The following CCDC3 variants were observed in gnomAD, a reference collection of about 807,000 sequenced individuals.
The protein encoded by CCDC3 is coiled-coil domain containing 3.
In CCDC3, 24 loss-of-function variants were observed where a neutral mutation model predicts 21.4. That is an observed-to-expected ratio of 1.12 (90% CI 0.81 to 1.58). The LOEUF is 1.58. CCDC3 is among the 40% of genes most tolerant of loss of function. CCDC3 has a pLI of 0.00. For synonymous variants in CCDC3, 186 were observed against 166.0 expected, an observed-to-expected ratio of 1.12 and a Z score of -0.93; for missense variants, 425 against 360.9, an observed-to-expected ratio of 1.18 and a Z score of -1.44.
intron 2 of CCDC3, among the ~76,000 whole-genome samples, chr10:12,913,434 A>C (rs547345684): frequency 6.6e-6 from 1 of 152,220 alleles, no homozygotes; most frequent in Non-Finnish European, 1.5e-5. Context: ...TTGATTTTGT[A>C]TCCTCAGACT....
At chr10:12,917,771 G>A (rs974530752) in intron 2 of CCDC3, among the ~76,000 whole-genome samples, 1 of 152,202 alleles carries the variant, frequency 6.6e-6, no homozygotes, top group Non-Finnish European at 1.5e-5. Flanking sequence ...CATTTCAGAT[G>A]ACTCTTTACT....
intron 2 of CCDC3, among the ~76,000 whole-genome samples, chr10:12,923,701 C>T (rs1443110658): frequency 1.3e-5 from 2 of 152,172 alleles, no homozygotes; most frequent in African/African-American, 4.8e-5. Context: ...GAATGAGTTC[C>T]GTGAAGGCAG....
At chr10:13,021,103 G>A (rs1205426869) in intron 5 of CCDC3, among the ~76,000 whole-genome samples, 1 of 152,156 alleles carries the variant, frequency 6.6e-6, no homozygotes, top group African/African-American at 2.4e-5. Flanking sequence ...AAAAGTGTAG[G>A]CTTTGAGGTA....
At position 13,046,250 on chromosome 10, in the gene CCDC3, A is replaced by G. The variant is rs180996020; in HGVS notation, c.-2+3424T>C. On this transcript the variant is annotated intron_variant, in intron 5 of 6. Coordinates refer to the CCDC3 transcript ENST00000378839. ...GTGAGACCTCATCTCTACAACAAATAAAAACATTAGCTGGGCATGATGACT... is the reference window on the plus strand; with the variant it reads ...GTGAGACCTCATCTCTACAACAAATGAAAACATTAGCTGGGCATGATGACT... Among the ~76,000 whole-genome samples, 34 of 152,110 alleles carry G rather than the reference A, an allele frequency of 2.2e-4. No homozygotes were observed. In the East Asian group the frequency reaches 5.4e-3, roughly 24 times the overall value.
chr10:13,092,944 T>C (rs73573892), intron 3 of CCDC3, among the ~76,000 whole-genome samples: 2,443 of 152,068 alleles, frequency 0.016, 64 homozygotes, highest in African/African-American at 0.055. Flanking sequence ...ATGTTGACTT[T>C]TCGTGGGTAT....
intron 3 of CCDC3, among the ~76,000 whole-genome samples, chr10:13,080,891 G>A (rs1199688813): frequency 6.6e-6 from 1 of 152,246 alleles, no homozygotes; most frequent in African/African-American, 2.4e-5. Flanking sequence ...TTGGCCGGGT[G>A]AGTCACAAGG....
At chr10:12,978,522 G>A (rs951044922) in intron 2 of CCDC3, among the ~76,000 whole-genome samples, 3 of 151,490 alleles carry the variant, frequency 2.0e-5, no homozygotes, top group African/African-American at 7.3e-5. Context: ...GGAAGCAGAA[G>A]AAATCTGCGG....
intron 2 of CCDC3, among the ~76,000 whole-genome samples, chr10:12,988,752 T>C (rs1459958456): frequency 6.6e-6 from 1 of 152,230 alleles, no homozygotes; most frequent in Non-Finnish European, 1.5e-5. Flanking sequence ...CACTACCACG[T>C]AGGTTCAAGG....
intron 2 of CCDC3, among the ~76,000 whole-genome samples, chr10:12,948,356 C>T (rs1044210224): frequency 6.6e-6 from 1 of 151,612 alleles, no homozygotes; most frequent in South Asian, 2.1e-4. Flanking sequence ...CAGACTAATA[C>T]AGCCCATATA....
At position 12,928,476 on chromosome 10, in the gene CCDC3, C is replaced by T. The variant is rs542398739; in HGVS notation, c.550-29797G>A. On this transcript the variant is annotated intron_variant, in intron 2 of 2. Coordinates refer to ENST00000378825, the MANE Select transcript of CCDC3 (RefSeq NM_031455.4). ...CTACATCAGCAGTTGAAGAAGTGAA[C>T]CAATACCAGCTCATGATCAGTGATC... 2.6e-4 allele frequency among the ~76,000 whole-genome samples: 40 copies of T among 152,296 alleles called. No individual in the cohort carries two copies. The South Asian group carries it at 8.3e-3, about 32-fold the overall frequency.
chr10:12,921,172 C>G (rs890798638), intron 2 of CCDC3, among the ~76,000 whole-genome samples: 1 of 152,144 alleles, frequency 6.6e-6, no homozygotes, highest in African/African-American at 2.4e-5. Context: ...CTCTCTTTTG[C>G]GAGCAGTCTG....
intron 2 of CCDC3, among the ~76,000 whole-genome samples, chr10:12,945,146 A>T (rs986645323): frequency 2.0e-5 from 3 of 152,218 alleles, no homozygotes; most frequent in African/African-American, 7.2e-5. Flanking sequence ...AGAAATTATG[A>T]TTCATAAATT....
intron 2 of CCDC3, among the ~76,000 whole-genome samples, chr10:12,923,457 G>A (rs4750286): frequency 0.33 from 50,348 of 151,940 alleles, 9,169 homozygotes; most frequent in East Asian, 0.45. Context: ...AAGTGGCACC[G>A]TTTGCATGGC....
intron 5 of CCDC3, among the ~76,000 whole-genome samples, chr10:13,019,052 T>A (rs1468120462): frequency 6.6e-6 from 1 of 151,608 alleles, no homozygotes; most frequent in African/African-American, 2.4e-5. Flanking sequence ...GCTAACACGG[T>A]GAAACCCCGT....
At chr10:12,993,860 G>A (rs565291785) in intron 2 of CCDC3, among the ~76,000 whole-genome samples, 1 of 152,314 alleles carries the variant, frequency 6.6e-6, no homozygotes, top group Non-Finnish European at 1.5e-5. Flanking sequence ...AGGAACCAGA[G>A]TGTGGGAGGA....
chr10:13,012,450 T>C (rs1262073845), intron 5 of CCDC3, among the ~76,000 whole-genome samples: 1 of 152,162 alleles, frequency 6.6e-6, no homozygotes, highest in Non-Finnish European at 1.5e-5. Flanking sequence ...TCAATATCAC[T>C]AACCATTAGA....
At chr10:12,986,647 G>A (rs1225139958) in intron 2 of CCDC3, among the ~76,000 whole-genome samples, 7 of 151,982 alleles carry the variant, frequency 4.6e-5, no homozygotes, top group Admixed American at 1.3e-4. Flanking sequence ...GGTGGCGGAC[G>A]CCTGTAGTCC....
At chr10:13,084,232 G>A (rs546834821) in intron 3 of CCDC3, among the ~76,000 whole-genome samples, 8 of 151,104 alleles carry the variant, frequency 5.3e-5, no homozygotes, top group Non-Finnish European at 8.8e-5. Flanking sequence ...CTTCGGGAAC[G>A]CCCTACCCTG....
At chr10:12,948,447 C>T (rs1378381187) in intron 2 of CCDC3, among the ~76,000 whole-genome samples, 8 of 144,470 alleles carry the variant, frequency 5.5e-5, no homozygotes, top group Non-Finnish European at 1.2e-4. Flanking sequence ...TTTGATGTGG[C>T]TAAAGGCAGG....
Sources: gnomAD v4.1 joint callset for allele counts (sites outside exome capture counted in the v4.1 genomes callset) on GRCh38, gnomAD v4.1.1 for gene constraint, MANE v1.5 for transcripts, NCBI Gene and HGNC (gene_info 2026-07-23, HGNC 2026-07-21) for gene names.